The following PCED1B variants were observed in gnomAD, a reference collection of about 807,000 sequenced individuals.
PCED1B encodes PC-esterase domain-containing protein 1B.
For missense variants in PCED1B, 573 were observed against 573.9 expected, an observed-to-expected ratio of 1.00 and a Z score of 0.02; for synonymous variants, 251 against 246.1, an observed-to-expected ratio of 1.02 and a Z score of -0.19.
At chr12:47,102,010 G>C (rs1394907546) in intron 1 of PCED1B, among the ~76,000 whole-genome samples, 1 of 151,926 alleles carries the variant, frequency 6.6e-6, no homozygotes, top group East Asian at 1.9e-4. Context: ...AGAACTCAGA[G>C]AAATCATTTG....
chr12:47,218,911 TG>T (rs1209722710), intron 3 of PCED1B, among the ~76,000 whole-genome samples: 1 of 151,918 alleles, frequency 6.6e-6, no homozygotes, highest in Non-Finnish European at 1.5e-5. Context: ...GAGGCCTAGG[TG>T]GGTGGATCAC....
At chr12:47,172,434 A>ACATGT (rs1941782675) in intron 2 of PCED1B, among the ~76,000 whole-genome samples, 2 of 146,048 alleles carry the variant, frequency 1.4e-5, no homozygotes, top group Admixed American at 1.5e-4. Flanking sequence ...GCACCATGGC[A>ACATGT]CATGGCACTC....
At chr12:47,194,090 C>T (rs993031658) in intron 2 of PCED1B, among the ~76,000 whole-genome samples, 1 of 152,146 alleles carries the variant, frequency 6.6e-6, no homozygotes, top group Non-Finnish European at 1.5e-5. Flanking sequence ...GGCCGCTTGC[C>T]CTTTGCAGCC....
chr12:47,227,150 G>GT (rs1555157075), intron 3 of PCED1B, among the ~76,000 whole-genome samples: 7 of 151,962 alleles, frequency 4.6e-5, no homozygotes, highest in South Asian at 4.2e-4. Context: ...TTGTTTGTTT[G>GT]TTTGTTTTGT....
At chr12:47,126,039 T>C (rs1939874876) in intron 2 of PCED1B, among the ~76,000 whole-genome samples, 1 of 152,102 alleles carries the variant, frequency 6.6e-6, no homozygotes, top group Non-Finnish European at 1.5e-5. Flanking sequence ...TCTAGTATAA[T>C]GTTCAATAGA....
chr12:47,118,838 C>T (rs2137296673), intron 2 of PCED1B, among the ~76,000 whole-genome samples: 1 of 152,254 alleles, frequency 6.6e-6, no homozygotes. Flanking sequence ...GAATGTTCTT[C>T]CATTTGTTTG....
intron 2 of PCED1B, among the ~76,000 whole-genome samples, chr12:47,212,901 T>G (rs1943136836): frequency 6.6e-6 from 1 of 152,250 alleles, no homozygotes. Context: ...ACTCAGGCTT[T>G]TCTGCCTGCA....
intron 3 of PCED1B, among the ~76,000 whole-genome samples, chr12:47,228,523 A>G (rs1943702623): frequency 6.6e-6 from 1 of 152,186 alleles, no homozygotes; most frequent in African/African-American, 2.4e-5. Context: ...ACTTTGGACT[A>G]AATCTTAGCT....
chr12:47,121,021 A>G lies in PCED1B; in HGVS notation c.-526+16826A>G, dbSNP rs996253434. Among the ~76,000 whole-genome samples, 7 of 152,142 alleles carry G rather than the reference A, an allele frequency of 4.6e-5. No homozygotes were observed. In the East Asian group the frequency reaches 1.3e-3, roughly 29 times the overall value. ...GGCGGTATAGAAAAGGGACATAGCT[A>G]AAGGGTATGTGGCTGCTTTCAGAGG... On this transcript the variant is annotated intron_variant, in intron 2 of 3. Transcript: ENST00000546455.
At chr12:47,123,116 G>T (rs774869280) in intron 2 of PCED1B, among the ~76,000 whole-genome samples, 3 of 152,162 alleles carry the variant, frequency 2.0e-5, no homozygotes, top group Non-Finnish European at 2.9e-5. Context: ...TTATGTCACA[G>T]TTGAGACAAA....
chr12:47,135,103 TTTAG>T (rs1337502717), intron 2 of PCED1B, among the ~76,000 whole-genome samples: 1 of 152,190 alleles, frequency 6.6e-6, no homozygotes, highest in African/African-American at 2.4e-5. Flanking sequence ...GAATTGGTCA[TTTAG>T]TTTGTTGCCA....
intron 2 of PCED1B, among the ~76,000 whole-genome samples, chr12:47,111,731 G>A (rs1027773872): frequency 6.6e-6 from 1 of 152,102 alleles, no homozygotes; most frequent in Non-Finnish European, 1.5e-5. Flanking sequence ...TGTCTTCAAG[G>A]TAAATTTTTT....
chr12:47,091,536 T>C (rs1390746853), intron 1 of PCED1B, among the ~76,000 whole-genome samples: 1 of 152,168 alleles, frequency 6.6e-6, no homozygotes, highest in Non-Finnish European at 1.5e-5. Flanking sequence ...CAGAAGTTTT[T>C]AGTTTCAATG....
chr12:47,084,156 G>A (rs1207138883), intron 1 of PCED1B, among the ~76,000 whole-genome samples: 1 of 152,128 alleles, frequency 6.6e-6, no homozygotes, highest in East Asian at 1.9e-4. Flanking sequence ...TCATAGTTTA[G>A]CCTAGCCTGC....
chr12:47,185,805 A>G (rs1354749363), intron 2 of PCED1B, among the ~76,000 whole-genome samples: 3 of 148,890 alleles, frequency 2.0e-5, no homozygotes, highest in Non-Finnish European at 4.5e-5. Flanking sequence ...AAAAAAAAAA[A>G]GACTGTATAT....
At chr12:47,207,674 A>C (rs2137744901) in intron 2 of PCED1B, among the ~76,000 whole-genome samples, 1 of 152,324 alleles carries the variant, frequency 6.6e-6, no homozygotes, top group Non-Finnish European at 1.5e-5. Flanking sequence ...TTACACAAAT[A>C]TGTAAGTATG....
chr12:47,233,769 A>T (rs922500258), intron 3 of PCED1B, among the ~76,000 whole-genome samples: 1 of 152,054 alleles, frequency 6.6e-6, no homozygotes, highest in Non-Finnish European at 1.5e-5. Flanking sequence ...GCATCTGTCG[A>T]TTTTCAGTTG....
chr12:47,222,101 T>G (rs556529602), intron 3 of PCED1B, among the ~76,000 whole-genome samples: 2 of 109,616 alleles, frequency 1.8e-5, no homozygotes, highest in South Asian at 6.6e-4. Flanking sequence ...AGACTCTATC[T>G]CTTAAAAAAA....
intron 1 of PCED1B, among the ~76,000 whole-genome samples, chr12:47,091,479 A>G (rs1027323066): frequency 6.6e-6 from 1 of 152,002 alleles, no homozygotes; most frequent in African/African-American, 2.4e-5. Flanking sequence ...ATATGTTAAT[A>G]TTTTTCTCTC....
Sources: gnomAD v4.1 joint callset for allele counts (sites outside exome capture counted in the v4.1 genomes callset) on GRCh38, gnomAD v4.1.1 for gene constraint, MANE v1.5 for transcripts, NCBI Gene and HGNC (gene_info 2026-07-23, HGNC 2026-07-21) for gene names.